The following VPS35L variants were observed in gnomAD, a reference collection of about 807,000 sequenced individuals.
The protein encoded by VPS35L is VPS35 endosomal protein-sorting factor-like.
In VPS35L, 83 loss-of-function variants were observed where a neutral mutation model predicts 133.0. The ratio of observed to expected loss-of-function variants is 0.62; its 90% CI spans 0.52 to 0.75. The LOEUF is 0.75. VPS35L is among the 30% of genes least tolerant of loss of function. The pLI, the probability that VPS35L is intolerant of heterozygous loss-of-function variation, is 0.00. For missense variants in VPS35L, 1,083 were observed against 1,206.8 expected (o/e 0.90, Z 1.52); for synonymous variants, 423 against 449.9 (o/e 0.94, Z 0.76).
chr16:19,666,469 C>A (rs954841212), intron 26 of VPS35L, among the ~76,000 whole-genome samples: 1 of 152,154 alleles, frequency 6.6e-6, no homozygotes, highest in African/African-American at 2.4e-5. Context: ...ATTGAGAAGT[C>A]TCCAGACAAT....
chr16:19,615,509 G>C (rs1972856376), intron 12 of VPS35L, among the ~76,000 whole-genome samples: 1 of 152,092 alleles, frequency 6.6e-6, no homozygotes, highest in Non-Finnish European at 1.5e-5. Context: ...AATTAGCCAA[G>C]TGTCGTGACA....
intron 26 of VPS35L, among the ~76,000 whole-genome samples, chr16:19,661,286 G>A (rs563276299): frequency 4.5e-4 from 68 of 150,918 alleles, no homozygotes; most frequent in African/African-American, 1.5e-3. Context: ...TTTTTCCTCC[G>A]AACTCCTGTT....
chr16:19,608,724 C>T, intron 10 of VPS35L: 1 of 486,202 alleles, frequency 2.1e-6, no homozygotes, highest in Non-Finnish European at 3.6e-6. Flanking sequence ...ATGCTCAAAA[C>T]CCAGTTTATA....
intron 27 of VPS35L, among the ~76,000 whole-genome samples, chr16:19,675,015 A>G (rs1378742380): frequency 1.3e-5 from 2 of 150,656 alleles, no homozygotes; most frequent in Non-Finnish European, 2.9e-5. Flanking sequence ...CAGTGGCATA[A>G]TCACACTAGC....
chr16:19,629,978 AAT>A (rs1255297012), intron 18 of VPS35L, among the ~76,000 whole-genome samples, 158 bp downstream of exon 18: 1 of 152,252 alleles, frequency 6.6e-6, no homozygotes, highest in Non-Finnish European at 1.5e-5. Flanking sequence ...ATGGAGCATT[AAT>A]ATGTGTACTA....
chr16:19,584,943 A>G (rs1971818922), intron 7 of VPS35L, among the ~76,000 whole-genome samples: 1 of 152,046 alleles, frequency 6.6e-6, no homozygotes, highest in African/African-American at 2.4e-5. Flanking sequence ...GCATATTTTC[A>G]CATACTTGTT....
rs1207486135 is a variant in VPS35L at position 19,636,139 on chromosome 16, TCATGCCACACTG to T, written c.1636-1447_1636-1436del. On this transcript the variant is annotated intron_variant, in intron 19 of 30. Transcript: ENST00000417362. Reference sequence around the variant, plus strand: ...AGGTCAAGGCTGCAGTGAGCTGAGATCATGCCACACTGCATGCCAGCCTGTGCAACAGAGAAA... The same window carrying T: ...AGGTCAAGGCTGCAGTGAGCTGAGATCATGCCAGCCTGTGCAACAGAGAAA... 2.9e-4 allele frequency among the ~76,000 whole-genome samples: 44 copies of T among 152,240 alleles called. No individual in the cohort carries two copies. In the East Asian group the frequency reaches 8.5e-3, roughly 29 times the overall value.
chr16:19,662,788 G>A (rs1002699180), intron 26 of VPS35L, among the ~76,000 whole-genome samples: 2 of 152,080 alleles, frequency 1.3e-5, no homozygotes, highest in Non-Finnish European at 2.9e-5. Context: ...GAAAGCTTGC[G>A]TTTTTCCTAT....
At chr16:19,573,410 C>A in intron 4 of VPS35L, 169 bp downstream of exon 4, 1 of 704,564 alleles carries the variant, frequency 1.4e-6, no homozygotes, top group South Asian at 2.4e-5. Context: ...GTGTTGTTGG[C>A]AGAAAAATGT....
chr16:19,657,732 AAAAATTATTTTGCATT>A (rs1394557047), intron 26 of VPS35L, among the ~76,000 whole-genome samples: 1 of 152,208 alleles, frequency 6.6e-6, no homozygotes, highest in Non-Finnish European at 1.5e-5. Flanking sequence ...TGTGGGAGAG[AAAAATTATTTTGCATT>A]TCCTCTTCCT....
intron 14 of VPS35L, among the ~76,000 whole-genome samples, chr16:19,620,579 G>T (rs866283755): frequency 2.0e-5 from 3 of 152,090 alleles, no homozygotes; most frequent in Non-Finnish European, 4.4e-5. Context: ...TCCATGATGT[G>T]ATTATTATGT....
chr16:19,625,603 C>T (rs1326094656), intron 14 of VPS35L, among the ~76,000 whole-genome samples: 1 of 152,016 alleles, frequency 6.6e-6, no homozygotes, highest in Non-Finnish European at 1.5e-5. Context: ...TCCGAAGTCT[C>T]ATCATTGGTA....
At chr16:19,562,116 A>G (rs1021989063) in intron 1 of VPS35L, among the ~76,000 whole-genome samples, 2 of 151,988 alleles carry the variant, frequency 1.3e-5, no homozygotes, top group Admixed American at 6.6e-5. Flanking sequence ...CAAAACAAAA[A>G]TATTATTCAT....
At chr16:19,561,244 G>A (rs141157484) in intron 1 of VPS35L, among the ~76,000 whole-genome samples, 58 of 152,090 alleles carry the variant, frequency 3.8e-4, no homozygotes, top group East Asian at 1.9e-3. Context: ...GGTGGCGGGC[G>A]CCTGTAGTCC....
At chr16:19,658,085 C>T (rs980839456) in intron 26 of VPS35L, among the ~76,000 whole-genome samples, 61 of 152,108 alleles carry the variant, frequency 4.0e-4, no homozygotes, top group African/African-American at 1.4e-3. Flanking sequence ...AAAAAGGGCA[C>T]GGGCAAGTCT....
At chr16:19,615,027 T>C (rs181010884) in intron 12 of VPS35L, among the ~76,000 whole-genome samples, 19 of 152,342 alleles carry the variant, frequency 1.2e-4, no homozygotes, top group Admixed American at 1.2e-3. Context: ...ATCTCTGCCT[T>C]GCAAAGAATG....
At chr16:19,572,877 G>A (rs1489860975) in intron 3 of VPS35L, among the ~76,000 whole-genome samples, 1 of 152,080 alleles carries the variant, frequency 6.6e-6, no homozygotes, top group Non-Finnish European at 1.5e-5. Context: ...GTTTTACCAT[G>A]TTGGCTAGGC....
chr16:19,578,446 G>C, intron 5 of VPS35L: 1 of 388,390 alleles, frequency 2.6e-6, no homozygotes, highest in South Asian at 2.0e-5. Context: ...GGCCGCAGAG[G>C]GCAGCAGTCA....
chr16:19,684,533 C>T (rs978477026), intron 28 of VPS35L, among the ~76,000 whole-genome samples: 11 of 152,210 alleles, frequency 7.2e-5, no homozygotes, highest in African/African-American at 2.7e-4. Flanking sequence ...CTACCCTGAT[C>T]TGAGCACTTA....
Sources: allele counts gnomAD v4.1 joint callset (sites outside exome capture counted in the v4.1 genomes callset), GRCh38; gene constraint gnomAD v4.1.1; transcripts MANE v1.5; gene names NCBI Gene and HGNC (gene_info 2026-07-23, HGNC 2026-07-21).